Variants in PIBF1 observed in about 807,000 individuals in gnomAD.
The protein encoded by PIBF1 is progesterone-induced-blocking factor 1.
A neutral mutation model predicts 112.5 loss-of-function variants in PIBF1; 90 were observed. The ratio of observed to expected loss-of-function variants is 0.80; its 90% CI spans 0.67 to 0.95. PIBF1 has a LOEUF of 0.95. Ranked by LOEUF, PIBF1 falls within the 40% of genes least tolerant of loss-of-function variation. PIBF1 has a pLI of 0.00. For synonymous variants in PIBF1, 301 were observed against 288.6 expected (o/e 1.04, Z -0.44); for missense variants, 915 against 852.3 (o/e 1.07, Z -0.92).
chr13:72,792,993 T>G (rs998336130), intron 3 of PIBF1, among the ~76,000 whole-genome samples: 1 of 152,054 alleles, frequency 6.6e-6, no homozygotes, highest in South Asian at 2.1e-4. Flanking sequence ...ATACAAACAA[T>G]GAAATAAATT....
chr13:72,794,287 T>A (rs1053110084), intron 3 of PIBF1, among the ~76,000 whole-genome samples: 2 of 152,072 alleles, frequency 1.3e-5, no homozygotes, highest in Non-Finnish European at 2.9e-5. Flanking sequence ...AGGAAAGGAT[T>A]TGGAGACAAT....
chr13:72,812,784 C>CAA (rs907435967), intron 5 of PIBF1, among the ~76,000 whole-genome samples: 2 of 144,252 alleles, frequency 1.4e-5, no homozygotes, highest in African/African-American at 2.5e-5. Context: ...CAAAAAACTA[C>CAA]AAAAAAAAAA....
Position 72,827,086 on chromosome 13 carries a change from C to G in PIBF1, c.883C>G (p.Gln295Glu). The G allele has an allele frequency of 6.3e-7, 1 of 1,599,712 alleles. No individual in the cohort carries two copies. Among genetic ancestry groups the G allele is most frequent in the Middle Eastern group, 1.7e-4 (1 of 5,976 alleles). The change falls in exon 7 of 18, where the codon CAA becomes GAA. Residue 295 changes from glutamine (Q) to glutamate (E), a missense_variant. Transcript: ENST00000326291. The part of the protein sequence containing the change: ...HEILEASHMI[Q>E]TKERSELSKE... ...AATACTTGAAGCCTCTCACATGATT[C>G]AAACAAAAGAACGAAGTGAATTATC...
chr13:72,837,442 A>T (rs937078996), intron 9 of PIBF1, among the ~76,000 whole-genome samples: 3 of 152,070 alleles, frequency 2.0e-5, no homozygotes, highest in Non-Finnish European at 4.4e-5. Flanking sequence ...CTCTTTAAAT[A>T]GCATTATTTT....
chr13:72,875,434 T>C (rs564301745), intron 10 of PIBF1, among the ~76,000 whole-genome samples: 1 of 152,216 alleles, frequency 6.6e-6, no homozygotes, highest in Admixed American at 6.5e-5. Flanking sequence ...TGTGATCTTA[T>C]GGTAAGAGTG....
intron 15 of PIBF1, among the ~76,000 whole-genome samples, chr13:72,969,040 T>A (rs1004514187): frequency 1.3e-5 from 2 of 150,674 alleles, no homozygotes; most frequent in South Asian, 2.1e-4. Flanking sequence ...AAAAAAAAAA[T>A]AAAAATAAAA....
chr13:72,965,024 T>C (rs1162772737), intron 14 of PIBF1, among the ~76,000 whole-genome samples: 1 of 152,136 alleles, frequency 6.6e-6, no homozygotes, highest in Middle Eastern at 3.2e-3. Flanking sequence ...ATCGCGCCAC[T>C]GCACTCTAGC....
Position 72,783,628 on chromosome 13 carries a change from A to G in PIBF1, c.159A>G (p.Arg53=), listed in dbSNP as rs779976932. ...GAATCACCAGGCAGCTAATTGAACG[A>G]AAAGAACTACTTCATAATATTCAGT... ...KVRITRQLIE[R]KELLHNIQLL... Residue 53 remains arginine, a synonymous_variant, in exon 2 of 18, where the codon CGA becomes CGG. Coordinates refer to ENST00000326291, the MANE Select transcript of PIBF1 (RefSeq NM_006346.4). 1 of 1,614,080 alleles carries G rather than the reference A, an allele frequency of 6.2e-7. No homozygotes were observed. Among genetic ancestry groups the G allele is most frequent in the Non-Finnish European group, 8.5e-7 (1 of 1,179,926 alleles).
chr13:72,918,372 A>G (rs186976351), intron 13 of PIBF1, among the ~76,000 whole-genome samples: 88 of 147,586 alleles, frequency 6.0e-4, no homozygotes, highest in African/African-American at 2.1e-3. Context: ...CTTCGAGGTC[A>G]GCAACTACCT....
intron 2 of PIBF1, among the ~76,000 whole-genome samples, 182 bp from the exon 3 acceptor site, chr13:72,792,265 T>C (rs550196641): frequency 2.0e-4 from 30 of 152,232 alleles, no homozygotes; most frequent in Admixed American, 9.2e-4. Flanking sequence ...CACTGCACTC[T>C]AGCCTGGGCA....
At chr13:73,007,547 C>T (rs61966239) in intron 17 of PIBF1, among the ~76,000 whole-genome samples, 31,089 of 152,076 alleles carry the variant, frequency 0.2, 3,268 homozygotes, top group East Asian at 0.25. Context: ...CAGTGGCTCA[C>T]GCCTGTAATC....
chr13:72,997,957 T>C (rs2043734838), intron 16 of PIBF1, among the ~76,000 whole-genome samples: 1 of 152,172 alleles, frequency 6.6e-6, no homozygotes, highest in Non-Finnish European at 1.5e-5. Context: ...GGGTGAAATT[T>C]TTGATCTCTT....
intron 5 of PIBF1, among the ~76,000 whole-genome samples, chr13:72,799,989 A>G (rs2057584): frequency 0.28 from 42,053 of 152,136 alleles, 6,902 homozygotes; most frequent in East Asian, 0.47. Flanking sequence ...AAACACTAGG[A>G]AAAAAGTAAA....
At chr13:72,903,752 A>G (rs1416508471) in intron 11 of PIBF1, among the ~76,000 whole-genome samples, 1 of 152,190 alleles carries the variant, frequency 6.6e-6, no homozygotes, top group Non-Finnish European at 1.5e-5. Flanking sequence ...TCATAAAAGA[A>G]AAATGTAAGG....
chr13:72,977,785 G>T (rs776268249), intron 16 of PIBF1, among the ~76,000 whole-genome samples: 4 of 152,184 alleles, frequency 2.6e-5, no homozygotes, highest in Non-Finnish European at 5.9e-5. Flanking sequence ...TTCCAGGAAT[G>T]TGTATTGATC....
chr13:72,825,046 C>T (rs1221763165), intron 6 of PIBF1, among the ~76,000 whole-genome samples: 1 of 152,038 alleles, frequency 6.6e-6, no homozygotes, highest in Non-Finnish European at 1.5e-5. Context: ...AGTCATAAAA[C>T]ACAAGGAAAA....
chr13:72,905,168 A>G (rs1249985433), intron 11 of PIBF1, among the ~76,000 whole-genome samples: 1 of 151,842 alleles, frequency 6.6e-6, no homozygotes, highest in African/African-American at 2.4e-5. Context: ...CCCAGGTTGA[A>G]GCAATTCTCC....
In PIBF1 at chr13:72,973,658, C is replaced by A; in HGVS notation, c.2032C>A (p.Leu678Ile). ...TCAAATGGCATTAGATTTAGAACAA[C>A]TTCTAAATCATCGTGAGGTATTTTT... ...KNQMALDLEQ[L>I]LNHREELAAM... Residue 678 changes from leucine to isoleucine, a missense_variant, in exon 16 of 18, where the codon CTT (leucine) becomes ATT (isoleucine). Physicochemically the swap from Leu to Ile is conservative, Grantham distance 5. Transcript: ENST00000326291. The A allele has an allele frequency of 1.3e-6, 2 of 1,554,660 alleles. No homozygotes were observed. The highest frequency in any genetic ancestry group is 1.4e-5 in the African/African-American group (1 of 72,944).
At chr13:72,874,980 C>T (rs2039334265) in intron 10 of PIBF1, among the ~76,000 whole-genome samples, 1 of 152,138 alleles carries the variant, frequency 6.6e-6, no homozygotes, top group South Asian at 2.1e-4. Context: ...GGTCCGGCTA[C>T]TTTTTAATAC....
Sources: gnomAD v4.1 joint callset for allele counts (sites outside exome capture counted in the v4.1 genomes callset) on GRCh38, gnomAD v4.1.1 for gene constraint, MANE v1.5 for transcripts, NCBI Gene and HGNC (gene_info 2026-07-23, HGNC 2026-07-21) for gene names.